Variants in SESN2 observed in about 807,000 individuals in gnomAD.
SESN2 encodes the protein sestrin 2, also known as sestrin-2.
Under a neutral mutation model 56.0 loss-of-function variants are expected in SESN2, and 42 were observed. The observed-to-expected ratio is 0.75, with a 90% confidence interval of 0.59 to 0.97. The LOEUF (loss-of-function observed/expected upper bound fraction) is 0.97. Among genes scored for constraint, SESN2 ranks in the 50% least tolerant of loss-of-function variants. SESN2 has a pLI of 0.00. For synonymous variants in SESN2, 264 were observed against 267.1 expected (o/e 0.99, Z 0.11); for missense variants, 507 against 649.4 (o/e 0.78, Z 2.38).
In SESN2 at chr1:28,275,020, G is replaced by A; in HGVS notation, c.1211+5G>A. 1.9e-6 allele frequency: 3 copies of A among 1,601,654 alleles called. No homozygotes were observed. Among genetic ancestry groups the A allele is most frequent in the Non-Finnish European group, 2.6e-6 (3 of 1,170,192 alleles). On this transcript the variant is annotated splice_donor_5th_base_variant and intron_variant, in intron 8 of 9. Transcript: ENST00000253063. ...CCACTGCGTCTTTGGCATCAGGTGA[G>A]CTCATATCCCTTCATTTGGGGCATG...
chr1:28,267,693 C>A (rs998068452), intron 1 of SESN2, among the ~76,000 whole-genome samples: 1 of 152,140 alleles, frequency 6.6e-6, no homozygotes, highest in African/African-American at 2.4e-5. Flanking sequence ...CCTTCCTGAA[C>A]CCCATCTCTA....
intron 1 of SESN2, among the ~76,000 whole-genome samples, chr1:28,268,758 C>T (rs1028166298): frequency 6.6e-6 from 1 of 151,850 alleles, no homozygotes; most frequent in Non-Finnish European, 1.5e-5. Flanking sequence ...AAGGAACGAA[C>T]GAACATGTGA....
At chr1:28,280,675 G>T in intron 9 of SESN2, 41 bp from the exon 10 acceptor site, 1 of 1,494,256 alleles carries the variant, frequency 6.7e-7, no homozygotes, top group Non-Finnish European at 9.3e-7. Context: ...TGGGGGTGAG[G>T]AGTGACATCA....
chr1:28,282,371 GACTGTA>G lies in SESN2; in HGVS notation c.*1571_*1576del, dbSNP rs1329430251. On this transcript the variant is annotated 3_prime_UTR_variant, in exon 10 of 10. Coordinates refer to ENST00000253063, the MANE Select transcript of SESN2 (RefSeq NM_031459.5). ...ATCTGGGTTCTAGAGGGCATGTGAT[GACTGTA>G]AATGTTCACTGGGTGGGTAGGGAGT... 1 of 152,270 alleles carries G rather than the reference GACTGTA, an allele frequency of 6.6e-6. No individual in the cohort carries two copies. The highest frequency in any genetic ancestry group is 1.5e-5 in the Non-Finnish European group (1 of 68,064). The allele number at this position is 152,270 out of a possible 1,614,324, so 9.4% of individuals were successfully genotyped here.
At chr1:28,269,144 C>A in intron 1 of SESN2, 39 bp from the exon 2 acceptor site, 4 of 1,492,334 alleles carry the variant, frequency 2.7e-6, no homozygotes, top group Non-Finnish European at 2.8e-6. Flanking sequence ...TCTTTATTCT[C>A]CCTTCTACTA....
At chr1:28,273,947 C>A in intron 6 of SESN2, 93 bp from the exon 7 acceptor site, 1 of 854,176 alleles carries the variant, frequency 1.2e-6, no homozygotes, top group Non-Finnish European at 1.9e-6. Flanking sequence ...GCCCTCTATT[C>A]TGCCTTCCCC....
intron 8 of SESN2, 48 bp downstream of exon 8, chr1:28,275,063 C>T (rs771305156): frequency 4.4e-6 from 6 of 1,351,556 alleles, no homozygotes; most frequent in Non-Finnish European, 5.1e-6. Flanking sequence ...TGTAAGTCTT[C>T]ACTCTGGGTT....
chr1:28,270,179 G>A (rs1045439679), intron 2 of SESN2, among the ~76,000 whole-genome samples: 1 of 151,986 alleles, frequency 6.6e-6, no homozygotes, highest in Admixed American at 6.6e-5. Context: ...GTGAAGCACC[G>A]TCTCTACTAA....
chr1:28,280,622 G>A lies in SESN2; in HGVS notation c.1357-94G>A, dbSNP rs1036031872. ...GGGCAGCTCTGTAGGAAAGGAAATG[G>A]TGAGGTAAGTGGGTCAGGGATCAAG... On this transcript the variant is annotated intron_variant, in intron 9 of 9. Transcript: ENST00000253063. 8.6e-6 allele frequency: 8 copies of A among 925,246 alleles called. No individual in the cohort carries two copies. The African/African-American group carries it at 1.3e-4, about 15-fold the overall frequency. 57.3% of individuals were successfully genotyped at this position (925,246 alleles called of 1,614,324 possible). A position where few individuals can be genotyped will look rare whatever the true frequency, so the allele number is the denominator to read the frequency against.
At chr1:28,276,059 A>G (rs1160927977) in intron 8 of SESN2, among the ~76,000 whole-genome samples, 3 of 152,118 alleles carry the variant, frequency 2.0e-5, no homozygotes, top group African/African-American at 7.2e-5. Flanking sequence ...AGGCAGGAGG[A>G]TCCCTTGAGC....
At position 28,280,948 on chromosome 1, in the gene SESN2, C is replaced by G. The variant is rs1480268657; in HGVS notation, c.*146C>G. On this transcript the variant is annotated 3_prime_UTR_variant, in exon 10 of 10. Transcript: ENST00000253063. ...ATGTGCAGTCCCGAAGCCACACCCT[C>G]CCTTTTCCTCACTGGAATGGACAGT... The G allele has an allele frequency of 1.6e-6, 1 of 633,984 alleles. No individual in the cohort carries two copies. Among genetic ancestry groups the G allele is most frequent in the African/African-American group, 1.8e-5 (1 of 55,626 alleles). 39.3% of individuals were successfully genotyped at this position (633,984 alleles called of 1,614,324 possible). A position where few individuals can be genotyped will look rare whatever the true frequency, so the allele number is the denominator to read the frequency against.
Position 28,279,080 on chromosome 1 carries a change from G to C in SESN2, c.1212-17G>C, listed in dbSNP as rs769684267. 6.2e-7 allele frequency: 1 copy of C among 1,613,824 alleles called. No homozygotes were observed. The highest frequency in any genetic ancestry group is 1.7e-5 in the Admixed American group (1 of 60,016). On this transcript the variant is annotated splice_polypyrimidine_tract_variant and intron_variant, in intron 8 of 9. Coordinates refer to ENST00000253063, the MANE Select transcript of SESN2 (RefSeq NM_031459.5). ...GGAAGAAAGCATGAGTAATGCTGCT[G>C]GGACCTTTCCATCCAGATATGATGA... is the stretch of plus-strand genomic sequence containing the variant.
chr1:28,280,898 C>A lies in SESN2; in HGVS notation c.*96C>A. ...CTTTTGTGTCCCATGCCCACCCTCCCCACGCTGCAGTGGGCTTGTGTGTGA... is the reference window on the plus strand; with the variant it reads ...CTTTTGTGTCCCATGCCCACCCTCCACACGCTGCAGTGGGCTTGTGTGTGA... On this transcript the variant is annotated 3_prime_UTR_variant, in exon 10 of 10. Transcript: ENST00000253063. The A allele has an allele frequency of 2.2e-6, 2 of 912,008 alleles. No individual in the cohort carries two copies. Among genetic ancestry groups the A allele is most frequent in the East Asian group, 2.4e-5 (1 of 40,830 alleles). 56.5% of individuals were successfully genotyped at this position (912,008 alleles called of 1,614,324 possible).
At chr1:28,276,142 A>T (rs927150682) in intron 8 of SESN2, among the ~76,000 whole-genome samples, 1 of 151,438 alleles carries the variant, frequency 6.6e-6, no homozygotes, top group African/African-American at 2.4e-5. Flanking sequence ...GCAAGACGCT[A>T]TCTCAAAATA....
chr1:28,264,330 GAAAA>G (rs1225656508), intron 1 of SESN2, among the ~76,000 whole-genome samples: 1 of 150,068 alleles, frequency 6.7e-6, no homozygotes, highest in Non-Finnish European at 1.5e-5. Context: ...AAGAAAAAAA[GAAAA>G]AAAAAGAAAA....
chr1:28,267,808 C>T (rs1159878502), intron 1 of SESN2, among the ~76,000 whole-genome samples: 1 of 152,212 alleles, frequency 6.6e-6, no homozygotes, highest in Non-Finnish European at 1.5e-5. Context: ...CTTGTACACC[C>T]TGCTCAGATT....
intron 8 of SESN2, among the ~76,000 whole-genome samples, chr1:28,278,524 G>T (rs187246558): frequency 6.6e-6 from 1 of 152,190 alleles, no homozygotes; most frequent in Non-Finnish European, 1.5e-5. Flanking sequence ...CCGAGATCAC[G>T]CCATTGCACT....
At chr1:28,274,504 C>G (rs557937723) in intron 7 of SESN2, among the ~76,000 whole-genome samples, 1 of 151,784 alleles carries the variant, frequency 6.6e-6, no homozygotes, top group South Asian at 2.1e-4. Context: ...GCGCTCCAGC[C>G]TGGGTGACAG....
chr1:28,275,319 T>A (rs970055010), intron 8 of SESN2, among the ~76,000 whole-genome samples: 4 of 149,372 alleles, frequency 2.7e-5, no homozygotes, highest in African/African-American at 7.6e-5. Flanking sequence ...ACACACACAC[T>A]ATATATATAT....
Sources: gnomAD v4.1 joint callset for allele counts (sites outside exome capture counted in the v4.1 genomes callset) on GRCh38, gnomAD v4.1.1 for gene constraint, MANE v1.5 for transcripts, NCBI Gene and HGNC (gene_info 2026-07-23, HGNC 2026-07-21) for gene names.